ME3: variants seen among roughly 807,000 people sequenced by gnomAD.
ME3 encodes the protein malic enzyme 3.
A neutral mutation model predicts 68.9 loss-of-function variants in ME3; 48 were observed. The ratio of observed to expected loss-of-function variants is 0.70; its 90% CI spans 0.55 to 0.89. The LOEUF (loss-of-function observed/expected upper bound fraction) is 0.89. Ranked by LOEUF, ME3 falls within the 40% of genes least tolerant of loss-of-function variation. The pLI is 0.00. For synonymous variants in ME3, 320 were observed against 318.8 expected (o/e 1.00, Z -0.04); for missense variants, 675 against 797.4 (o/e 0.85, Z 1.85).
chr11:86,631,465 A>G (rs763131319), intron 2 of ME3, among the ~76,000 whole-genome samples: 1 of 152,154 alleles, frequency 6.6e-6, no homozygotes, highest in African/African-American at 2.4e-5. Context: ...ACTCATAAGA[A>G]AACCGTGGGC....
At chr11:86,664,068 G>A (rs987474903) in intron 2 of ME3, among the ~76,000 whole-genome samples, 12 of 152,218 alleles carry the variant, frequency 7.9e-5, no homozygotes, top group East Asian at 3.8e-4. Flanking sequence ...GAAAGGAGAC[G>A]ACTTCAGAGG....
At chr11:86,535,519 G>T (rs1009617438) in intron 4 of ME3, among the ~76,000 whole-genome samples, 1 of 152,006 alleles carries the variant, frequency 6.6e-6, no homozygotes, top group African/African-American at 2.4e-5. Flanking sequence ...GCTGGATTTG[G>T]GGATAAAGTT....
At chr11:86,595,700 G>A (rs1014688764) in intron 2 of ME3, among the ~76,000 whole-genome samples, 10 of 152,304 alleles carry the variant, frequency 6.6e-5, no homozygotes, top group Non-Finnish European at 7.3e-5. Context: ...CTGACTCCAG[G>A]CCCTCACTAT....
chr11:86,542,281 G>A (rs1004643337), intron 4 of ME3, among the ~76,000 whole-genome samples: 7 of 152,106 alleles, frequency 4.6e-5, no homozygotes, highest in African/African-American at 1.4e-4. Context: ...GCCAGCAAGG[G>A]AACAAAACTG....
At chr11:86,654,176 G>A (rs604128) in intron 2 of ME3, among the ~76,000 whole-genome samples, 107,889 of 152,016 alleles carry the variant, frequency 0.71, 39,295 homozygotes, top group Non-Finnish European at 0.8. Context: ...TACAAGGAGG[G>A]GCTGGTACCA....
At chr11:86,441,502 T>G in intron 14 of ME3, 62 bp from the exon 15 acceptor site, 1 of 1,469,246 alleles carries the variant, frequency 6.8e-7, no homozygotes, top group Non-Finnish European at 9.1e-7. Context: ...TAAGGATCCT[T>G]GCTTGGGAGC....
At chr11:86,662,404 C>T (rs1047708180) in intron 2 of ME3, among the ~76,000 whole-genome samples, 2 of 151,932 alleles carry the variant, frequency 1.3e-5, no homozygotes, top group Admixed American at 6.5e-5. Flanking sequence ...GCCTGGCCAA[C>T]ATAACAAGAC....
chr11:86,600,401 A>C (rs992105244), intron 2 of ME3, among the ~76,000 whole-genome samples: 1 of 152,222 alleles, frequency 6.6e-6, no homozygotes, highest in African/African-American at 2.4e-5. Flanking sequence ...AGAAGAGCTA[A>C]ATATCCTAAA....
intron 5 of ME3, 108 bp downstream of exon 5, chr11:86,508,684 G>T: frequency 1.0e-6 from 1 of 985,502 alleles, no homozygotes; most frequent in South Asian, 1.5e-5. Context: ...GAGGTAGTAT[G>T]CTGCCTTCAG....
At chr11:86,664,608 G>T (rs185480107) in intron 2 of ME3, among the ~76,000 whole-genome samples, 10 of 152,090 alleles carry the variant, frequency 6.6e-5, no homozygotes, top group Non-Finnish European at 8.8e-5. Context: ...GGTTTCCTTT[G>T]ACTTTTATAG....
intron 2 of ME3, among the ~76,000 whole-genome samples, chr11:86,633,217 T>C (rs1289019377): frequency 6.6e-6 from 1 of 152,234 alleles, no homozygotes; most frequent in Non-Finnish European, 1.5e-5. Flanking sequence ...AAGAGAGATG[T>C]GACCAAGGAC....
intron 2 of ME3, among the ~76,000 whole-genome samples, chr11:86,570,458 C>G (rs1475837482): frequency 6.6e-6 from 1 of 152,128 alleles, no homozygotes; most frequent in African/African-American, 2.4e-5. Context: ...ATTACTGAGG[C>G]TGCTGTTCCC....
intron 2 of ME3, among the ~76,000 whole-genome samples, chr11:86,571,501 C>T (rs1320344579): frequency 6.6e-6 from 1 of 152,238 alleles, no homozygotes; most frequent in African/African-American, 2.4e-5. Context: ...AGCCACTTAC[C>T]ACCACACTGT....
intron 4 of ME3, among the ~76,000 whole-genome samples, chr11:86,544,787 A>C (rs1372098181): frequency 6.6e-6 from 1 of 152,190 alleles, no homozygotes; most frequent in Admixed American, 6.5e-5. Context: ...AAAGAGAGGG[A>C]CCGCTCCCTA....
intron 4 of ME3, among the ~76,000 whole-genome samples, chr11:86,525,225 A>T (rs1203481097): frequency 6.6e-6 from 1 of 152,222 alleles, no homozygotes; most frequent in Non-Finnish European, 1.5e-5. Context: ...TTTCCAATAG[A>T]GCAGTGACAA....
chr11:86,671,775 G>C, exon 2 of ME3: 1 of 1,603,770 alleles, frequency 6.2e-7, no homozygotes, highest in Non-Finnish European at 8.5e-7. Flanking sequence ...GTTGAGATGA[G>C]GGTTCCTGGT....
intron 2 of ME3, among the ~76,000 whole-genome samples, chr11:86,636,656 A>C (rs1944351495): frequency 1.3e-5 from 2 of 152,204 alleles, no homozygotes; most frequent in South Asian, 4.1e-4. Flanking sequence ...TAGAACATGC[A>C]CAAGTTTTGG....
chr11:86,599,340 A>G (rs1270555356), intron 2 of ME3, among the ~76,000 whole-genome samples: 1 of 152,258 alleles, frequency 6.6e-6, no homozygotes, highest in Non-Finnish European at 1.5e-5. Context: ...CAACTGGAAG[A>G]AAGGATATCA....
intron 4 of ME3, among the ~76,000 whole-genome samples, chr11:86,546,627 T>C (rs904471382): frequency 6.6e-6 from 1 of 152,172 alleles, no homozygotes; most frequent in African/African-American, 2.4e-5. Context: ...TACCATCTCA[T>C]GCCAGTTAGA....
Sources: gnomAD v4.1 joint callset for allele counts (sites outside exome capture counted in the v4.1 genomes callset) on GRCh38, gnomAD v4.1.1 for gene constraint, MANE v1.5 for transcripts, NCBI Gene and HGNC (gene_info 2026-07-23, HGNC 2026-07-21) for gene names.